The following NUP37 variants were observed in gnomAD, a reference collection of about 807,000 sequenced individuals.
NUP37 encodes nucleoporin 37, also known as nucleoporin Nup37.
NUP37 carries 33 observed loss-of-function variants against 45.4 expected under a neutral mutation model. That is an observed-to-expected ratio of 0.73 (90% confidence interval 0.55 to 0.97). NUP37 has a LOEUF of 0.97. NUP37 is among the 50% of genes least tolerant of loss of function. The pLI, the probability that NUP37 is intolerant of heterozygous loss-of-function variation, is 0.00. For synonymous variants in NUP37, 127 were observed against 130.7 expected, an observed-to-expected ratio of 0.97 and a Z score of 0.19; for missense variants, 365 against 389.7, an observed-to-expected ratio of 0.94 and a Z score of 0.53.
At chr12:102,076,257 A>G (rs1362745024) in intron 8 of NUP37, among the ~76,000 whole-genome samples, 4 of 152,190 alleles carry the variant, frequency 2.6e-5, no homozygotes, top group Admixed American at 6.5e-5. Context: ...ATTGGAATAT[A>G]GCATATAATA....
chr12:102,091,555 A>C (rs1594390335), intron 5 of NUP37, among the ~76,000 whole-genome samples: 1 of 152,160 alleles, frequency 6.6e-6, no homozygotes, highest in Admixed American at 6.5e-5. Context: ...TACCTTGGCC[A>C]AAACCTAGGA....
intron 5 of NUP37, among the ~76,000 whole-genome samples, chr12:102,088,815 C>G (rs1419994798): frequency 6.6e-6 from 1 of 150,940 alleles, no homozygotes; most frequent in Non-Finnish European, 1.5e-5. Flanking sequence ...CAGATTAACA[C>G]GTGAACAAAG....
intron 6 of NUP37, 42 bp downstream of exon 6, chr12:102,085,724 G>A: frequency 1.1e-6 from 1 of 941,714 alleles, no homozygotes; most frequent in African/African-American, 1.7e-5. Flanking sequence ...ATCTCTATAA[G>A]TCTTTTCAAT....
Position 102,118,249 on chromosome 12 carries a change from T to C in NUP37, c.156+114A>G, listed in dbSNP as rs867500093. 156 of 1,049,814 alleles carry C rather than the reference T, an allele frequency of 1.5e-4. No homozygotes were observed. In the Middle Eastern group the frequency reaches 4.3e-3, roughly 29 times the overall value. The allele number at this position is 1,049,814 out of a possible 1,614,324, so 65.0% of individuals were successfully genotyped here. A position where few individuals can be genotyped will look rare whatever the true frequency, so the allele number is the denominator to read the frequency against. On this transcript the variant is annotated intron_variant, in intron 2 of 9. Coordinates refer to ENST00000552283, the MANE Select transcript of NUP37 (RefSeq NM_024057.4). ...CATCTTTCTCTATGGATCTTATCTT[T>C]TTTTTTTTTAACATTCAAACTCAAT...
chr12:102,110,544 A>G (rs1162376851), intron 3 of NUP37, among the ~76,000 whole-genome samples: 13 of 151,748 alleles, frequency 8.6e-5, no homozygotes, highest in Non-Finnish European at 4.4e-5. Context: ...GATTGACAAT[A>G]GCAAATATTG....
intron 6 of NUP37, among the ~76,000 whole-genome samples, chr12:102,084,808 A>G (rs540965919): frequency 2.0e-5 from 3 of 152,272 alleles, no homozygotes; most frequent in African/African-American, 7.2e-5. Flanking sequence ...TTTAAGAAAG[A>G]TGATTGTAGT....
At chr12:102,103,367 C>T (rs973365388) in intron 3 of NUP37, among the ~76,000 whole-genome samples, 3 of 152,064 alleles carry the variant, frequency 2.0e-5, no homozygotes, top group Non-Finnish European at 4.4e-5. Flanking sequence ...AATCATATTA[C>T]CTTAATTTCT....
Position 102,077,501 on chromosome 12 carries a change from T to A in NUP37, c.543A>T (p.Leu181=), listed in dbSNP as rs1367457989. The change falls in exon 7 of 10, where the codon CTA becomes CTT. Residue 181 remains leucine (L), a splice_region_variant and synonymous_variant. Transcript: ENST00000552283. ...VCWHPEETFK[L]MVAEKNGTIR... ...TTGTTCCATTCTTCTCTGCAACCAT[T>A]AGCTGTAAGACAGAAAAATAAAAAG... 6.2e-7 allele frequency: 1 copy of A among 1,611,662 alleles called. No homozygotes were observed. Among genetic ancestry groups the A allele is most frequent in the South Asian group, 1.1e-5 (1 of 90,986 alleles).
chr12:102,101,142 CT>C (rs747584054), intron 3 of NUP37, 38 bp from the exon 4 acceptor site: 14 of 1,284,422 alleles, frequency 1.1e-5, no homozygotes, highest in South Asian at 2.7e-5. Context: ...AATTTTTAGC[CT>C]TTGTAAGTGA....
intron 2 of NUP37, among the ~76,000 whole-genome samples, chr12:102,113,006 G>A (rs1241832192): frequency 1.3e-5 from 2 of 152,146 alleles, no homozygotes; most frequent in Non-Finnish European, 2.9e-5. Flanking sequence ...CTACTAAAAT[G>A]ATTTCAGTTT....
Position 102,074,996 on chromosome 12 carries a change from A to G in NUP37, c.867+5T>C. 6.4e-7 allele frequency: 1 copy of G among 1,569,168 alleles called. No homozygotes were observed. The highest frequency in any genetic ancestry group is 8.7e-7 in the Non-Finnish European group (1 of 1,155,682). ...CACGTATGTTACAAAACATTTCCACATTACCTGAGGGTGTCCTAAATGATG... is the reference window on the plus strand; with the variant it reads ...CACGTATGTTACAAAACATTTCCACGTTACCTGAGGGTGTCCTAAATGATG... On this transcript the variant is annotated splice_donor_5th_base_variant and intron_variant, in intron 9 of 9. Coordinates refer to ENST00000552283, the MANE Select transcript of NUP37 (RefSeq NM_024057.4).
intron 5 of NUP37, among the ~76,000 whole-genome samples, chr12:102,088,933 C>T (rs2136724746): frequency 6.6e-6 from 1 of 152,160 alleles, no homozygotes; most frequent in East Asian, 1.9e-4. Flanking sequence ...ATGCTGCCTT[C>T]AAGCATCTGT....
rs1879109300 is a variant in NUP37, at chr12:102,074,369, C to T, written c.966G>A (p.Trp322Ter). 1.2e-6 allele frequency: 2 copies of T among 1,610,120 alleles called. No homozygotes were observed. Among genetic ancestry groups the T allele is most frequent in the Non-Finnish European group, 1.7e-6 (2 of 1,177,322 alleles). Reference sequence around the variant, plus strand: ...AGAAAACACTTTATACTTCAGTCACCCAAAACAACAGCTTGTGGTCTCCTC... The same window carrying T: ...AGAAAACACTTTATACTTCAGTCACTCAAAACAACAGCTTGTGGTCTCCTC... ...VIGGDHKLLF[W>*]VTEV The change falls in exon 10 of 10, where the codon TGG (tryptophan) becomes TGA (stop). Residue 322 changes from tryptophan to a stop codon, truncating the protein, a stop_gained. Coordinates refer to ENST00000552283, the MANE Select transcript of NUP37 (RefSeq NM_024057.4). LOFTEE classifies it high-confidence loss of function.
At chr12:102,090,853 G>A (rs1256417781) in intron 5 of NUP37, among the ~76,000 whole-genome samples, 1 of 152,094 alleles carries the variant, frequency 6.6e-6, no homozygotes, top group African/African-American at 2.4e-5. Flanking sequence ...TACATGGGTT[G>A]TATATTAAAA....
intron 5 of NUP37, among the ~76,000 whole-genome samples, chr12:102,098,656 C>T (rs1384741844): frequency 2.0e-5 from 3 of 152,004 alleles, no homozygotes; most frequent in Non-Finnish European, 4.4e-5. Flanking sequence ...CTCAGTCCCC[C>T]GAGTAGCTGG....
Position 102,112,218 on chromosome 12 carries a change from G to A in NUP37, c.171C>T (p.Asp57=), listed in dbSNP as rs573306478. The A allele has an allele frequency of 8.1e-6, 13 of 1,612,222 alleles. No homozygotes were observed. The highest frequency in any genetic ancestry group is 3.3e-4 in the Middle Eastern group (2 of 6,054). Residue 57 remains aspartate (D), a synonymous_variant, in exon 3 of 10, where the codon GAC becomes GAT. Coordinates refer to ENST00000552283, the MANE Select transcript of NUP37 (RefSeq NM_024057.4). ...GTGTTTTATACTGAATGCCTTCAAC[G>A]TCTGCTTCTTCTTCCTAAGCATACA... ...GTCTFQEEEA[D]VEGIQYKTLR... is the part of the protein sequence containing the mutation.
chr12:102,116,402 T>C (rs1228496604), intron 2 of NUP37, among the ~76,000 whole-genome samples: 2 of 152,198 alleles, frequency 1.3e-5, no homozygotes, highest in Admixed American at 6.5e-5. Flanking sequence ...ATTAGAGAAA[T>C]GGTTTTTCCT....
At chr12:102,108,607 C>T (rs1173798946) in intron 3 of NUP37, among the ~76,000 whole-genome samples, 2 of 152,080 alleles carry the variant, frequency 1.3e-5, no homozygotes, top group African/African-American at 4.8e-5. Flanking sequence ...CTAATACATA[C>T]TCTATGTGTG....
rs369970543 is a variant in NUP37 at position 102,114,339 on chromosome 12, G to A, written c.157-2107C>T. Among the ~76,000 whole-genome samples, 23 of 149,934 alleles carry A rather than the reference G, an allele frequency of 1.5e-4. No homozygotes were observed. In the South Asian group the frequency reaches 3.0e-3, roughly 19 times the overall value. ...ACATATGGAATTACTGGGTGGTCAT[G>A]GGGATAAAGAAATCTCAGGGACTGT... is the stretch of plus-strand genomic sequence containing the variant. On this transcript the variant is annotated intron_variant, in intron 2 of 9. Transcript: ENST00000552283.
Sources: gnomAD v4.1 joint callset for allele counts (sites outside exome capture counted in the v4.1 genomes callset) on GRCh38, gnomAD v4.1.1 for gene constraint, MANE v1.5 for transcripts, NCBI Gene and HGNC (gene_info 2026-07-23, HGNC 2026-07-21) for gene names.